The following PLEKHA5 variants were observed in gnomAD, a reference collection of about 807,000 sequenced individuals.
PLEKHA5 encodes the protein pleckstrin homology domain containing A5.
A neutral mutation model predicts 181.9 loss-of-function variants in PLEKHA5; 55 were observed. The observed-to-expected ratio is 0.30, with a 90% CI of 0.24 to 0.38. PLEKHA5 has a LOEUF of 0.38. Ranked by LOEUF, PLEKHA5 falls within the 10% of genes least tolerant of loss-of-function variation. The pLI, the probability that PLEKHA5 is intolerant of heterozygous loss-of-function variation, is 1.00. For missense variants in PLEKHA5, 1,432 were observed against 1,549.5 expected (o/e 0.92, Z 1.27); for synonymous variants, 535 against 529.4 (o/e 1.01, Z -0.15).
chr12:19,300,621 A>G (rs1379794051), intron 15 of PLEKHA5, among the ~76,000 whole-genome samples: 1 of 152,200 alleles, frequency 6.6e-6, no homozygotes, highest in Non-Finnish European at 1.5e-5. Flanking sequence ...ACAATGTAGA[A>G]TTCTTGTTCA....
At chr12:19,343,818 T>G (rs1254606178) in intron 22 of PLEKHA5, among the ~76,000 whole-genome samples, 1 of 152,110 alleles carries the variant, frequency 6.6e-6, no homozygotes, top group Non-Finnish European at 1.5e-5. Context: ...TTTGGGAGGC[T>G]GAGGTGGGCA....
chr12:19,137,551 G>C (rs1344054614), intron 3 of PLEKHA5, among the ~76,000 whole-genome samples: 2 of 152,208 alleles, frequency 1.3e-5, no homozygotes, highest in Non-Finnish European at 2.9e-5. Flanking sequence ...AGTTTGTAGT[G>C]TAGAGATAAA....
chr12:19,254,216 C>T (rs1201267423), intron 4 of PLEKHA5, among the ~76,000 whole-genome samples, 193 bp downstream of exon 4: 2 of 152,088 alleles, frequency 1.3e-5, no homozygotes, highest in African/African-American at 2.4e-5. Context: ...AATGTAATTT[C>T]AGAAGCTGTT....
At chr12:19,358,101 A>G in intron 26 of PLEKHA5, 127 bp from the exon 27 acceptor site, 1 of 660,156 alleles carries the variant, frequency 1.5e-6, no homozygotes. Flanking sequence ...TATCTAAATG[A>G]CATTCAAAAC....
At chr12:19,200,820 T>G (rs1224200398) in intron 3 of PLEKHA5, 1 of 325,856 alleles carries the variant, frequency 3.1e-6, no homozygotes, top group African/African-American at 2.2e-5. Context: ...CATAAAAAAT[T>G]TTTAAAACCT....
chr12:19,157,638 CA>C (rs539086516), intron 3 of PLEKHA5, among the ~76,000 whole-genome samples: 24 of 152,226 alleles, frequency 1.6e-4, no homozygotes, highest in Middle Eastern at 3.4e-3. Context: ...TCATTTATTG[CA>C]TACACCATAC....
At position 19,343,414 on chromosome 12, in the gene PLEKHA5, A is replaced by G. The variant is rs1347366253; in HGVS notation, c.2642A>G (p.Gln881Arg). Reference protein sequence around the residue: ...VMEGLSKHKQQRGTTEIGMIG... With the variant: ...VMEGLSKHKQRRGTTEIGMIG... ...GAAGGGCTGAGTAAACATAAGCAGC[A>G]AAGAGGTACTACAGAAATAGGTAAA... Residue 881 changes from glutamine (Q) to arginine (R), a missense_variant, in exon 22 of 32, where the codon CAA (glutamine) becomes CGA (arginine). By Grantham distance (43) the Gln-to-Arg change is conservative (BLOSUM62 1). Coordinates refer to ENST00000429027, the MANE Select transcript of PLEKHA5 (RefSeq NM_001256470.2). 7 of 1,604,362 alleles carry G rather than the reference A, an allele frequency of 4.4e-6. No individual in the cohort carries two copies. Among genetic ancestry groups the G allele is most frequent in the Non-Finnish European group, 6.0e-6 (7 of 1,171,146 alleles).
At chr12:19,241,537 A>T (rs1359333006) in intron 3 of PLEKHA5, among the ~76,000 whole-genome samples, 1 of 152,184 alleles carries the variant, frequency 6.6e-6, no homozygotes, top group Non-Finnish European at 1.5e-5. Context: ...CGGGCGGATC[A>T]CTTGAGGCTA....
chr12:19,177,102 G>A (rs141735978), intron 3 of PLEKHA5, among the ~76,000 whole-genome samples: 6 of 152,130 alleles, frequency 3.9e-5, no homozygotes, highest in African/African-American at 1.4e-4. Context: ...TCCTGACCTC[G>A]TGATCTACCC....
intron 8 of PLEKHA5, among the ~76,000 whole-genome samples, chr12:19,266,382 G>A (rs1197750839): frequency 6.6e-6 from 1 of 151,892 alleles, no homozygotes; most frequent in Non-Finnish European, 1.5e-5. Flanking sequence ...TACTTGGGAG[G>A]CCGAGGTGAA....
At chr12:19,349,678 G>A (rs977523276) in intron 25 of PLEKHA5, among the ~76,000 whole-genome samples, 4 of 151,282 alleles carry the variant, frequency 2.6e-5, no homozygotes, top group Non-Finnish European at 5.9e-5. Flanking sequence ...AGGCCGAGGT[G>A]GGCGGATCAC....
chr12:19,197,924 C>T (rs2053328114), intron 3 of PLEKHA5, among the ~76,000 whole-genome samples: 1 of 152,058 alleles, frequency 6.6e-6, no homozygotes, highest in Admixed American at 6.6e-5. Flanking sequence ...CAGTTAACAT[C>T]ACCCCACCTC....
chr12:19,339,294 G>A (rs1393917459), intron 21 of PLEKHA5, among the ~76,000 whole-genome samples: 1 of 152,040 alleles, frequency 6.6e-6, no homozygotes, highest in Non-Finnish European at 1.5e-5. Flanking sequence ...GCCCGCCTTG[G>A]CCTCCCAGAG....
intron 20 of PLEKHA5, among the ~76,000 whole-genome samples, chr12:19,325,091 T>C (rs1203366784): frequency 6.6e-6 from 1 of 152,232 alleles, no homozygotes; most frequent in Non-Finnish European, 1.5e-5. Flanking sequence ...GTTAAAAATA[T>C]CTTAATAGAA....
intron 3 of PLEKHA5, among the ~76,000 whole-genome samples, chr12:19,196,652 A>G (rs2052819998): frequency 1.3e-5 from 2 of 152,174 alleles, no homozygotes; most frequent in Non-Finnish European, 2.9e-5. Context: ...CACAGTATGA[A>G]TAGTAAAACC....
At chr12:19,192,035 G>C (rs1421809767) in intron 3 of PLEKHA5, among the ~76,000 whole-genome samples, 1 of 152,104 alleles carries the variant, frequency 6.6e-6, no homozygotes, top group Non-Finnish European at 1.5e-5. Flanking sequence ...TCCGTGTATA[G>C]GCTGGGGATC....
intron 23 of PLEKHA5, 66 bp from the exon 24 acceptor site, chr12:19,346,927 CA>C: frequency 9.8e-7 from 1 of 1,016,926 alleles, no homozygotes; most frequent in Non-Finnish European, 1.4e-6. Context: ...TATACCATTG[CA>C]AAGAATTTAG....
intron 30 of PLEKHA5, among the ~76,000 whole-genome samples, chr12:19,368,203 A>G (rs2095484467): frequency 6.6e-6 from 1 of 152,322 alleles, no homozygotes; most frequent in Admixed American, 6.5e-5. Flanking sequence ...CTTACAAGGC[A>G]GTATGAGCTG....
At chr12:19,302,584 A>T (rs916376073) in intron 15 of PLEKHA5, among the ~76,000 whole-genome samples, 1 of 151,810 alleles carries the variant, frequency 6.6e-6, no homozygotes, top group African/African-American at 2.4e-5. Context: ...TTTATTAGAG[A>T]TGGGGTTTCA....
Sources: gnomAD v4.1 joint callset for allele counts (sites outside exome capture counted in the v4.1 genomes callset) on GRCh38, gnomAD v4.1.1 for gene constraint, MANE v1.5 for transcripts, NCBI Gene and HGNC (gene_info 2026-07-23, HGNC 2026-07-21) for gene names.